Variants in REEP1 observed in about 807,000 individuals in gnomAD.
The protein encoded by REEP1 is receptor expression-enhancing protein 1.
REEP1 carries 22 observed loss-of-function variants against 40.3 expected under a neutral mutation model. The ratio of observed to expected loss-of-function variants is 0.55; its 90% CI spans 0.39 to 0.78. The LOEUF (loss-of-function observed/expected upper bound fraction) is 0.78. REEP1 is among the 30% of genes least tolerant of loss of function. The pLI is 0.00. For missense variants in REEP1, 280 were observed against 361.1 expected (o/e 0.78, Z 1.82); for synonymous variants, 116 against 139.2 (o/e 0.83, Z 1.17).
At chr2:86,217,816 A>G (rs1674207534) in intron 8 of REEP1, among the ~76,000 whole-genome samples, 1 of 152,116 alleles carries the variant, frequency 6.6e-6, no homozygotes, top group Admixed American at 6.5e-5. Context: ...TTTTTCGATT[A>G]GGGATGCTCA....
intron 2 of REEP1, among the ~76,000 whole-genome samples, chr2:86,278,010 GA>G (rs1677860840): frequency 6.6e-6 from 1 of 152,108 alleles, no homozygotes; most frequent in South Asian, 2.1e-4. Flanking sequence ...CAACATTTCT[GA>G]TTGCCTACAT....
rs1051135623 is a variant in REEP1 at position 86,337,293 on chromosome 2, C to G, written c.32+186G>C. ...CCGGCGCCGGCTGCCTCCTGGGCAG[C>G]AGCCGCGTCCTGCGCCGCCCGTCCG... On this transcript the variant is annotated intron_variant, in intron 1 of 8. Coordinates refer to ENST00000538924, the MANE Select transcript of REEP1 (RefSeq NM_001371279.1). The surrounding 1 kb of genome is among the most constrained non-coding windows in gnomAD (Gnocchi z 5.8). 17 of 321,082 alleles carry G rather than the reference C, an allele frequency of 5.3e-5. No individual in the cohort carries two copies. The highest frequency in any genetic ancestry group is 2.9e-4 in the South Asian group (2 of 6,790). 19.9% of individuals were successfully genotyped at this position (321,082 alleles called of 1,614,324 possible). A position where few individuals can be genotyped will look rare whatever the true frequency, so the allele number is the denominator to read the frequency against.
At chr2:86,220,362 T>G (rs1674350385) in intron 7 of REEP1, among the ~76,000 whole-genome samples, 1 of 152,104 alleles carries the variant, frequency 6.6e-6, no homozygotes, top group African/African-American at 2.4e-5. Context: ...AACCACAGAC[T>G]CAGAATCTAC....
chr2:86,254,610 T>C, intron 4 of REEP1, 84 bp downstream of exon 4: 1 of 1,458,018 alleles, frequency 6.9e-7, no homozygotes, highest in Non-Finnish European at 9.5e-7. Context: ...ATGAGAAGTC[T>C]CCTGCAATAA....
chr2:86,225,922 G>A (rs866277357), intron 7 of REEP1, among the ~76,000 whole-genome samples: 20 of 152,316 alleles, frequency 1.3e-4, no homozygotes, highest in Middle Eastern at 3.4e-3. Context: ...TCTACTTAAG[G>A]TTAGGCAACT....
intron 7 of REEP1, among the ~76,000 whole-genome samples, chr2:86,222,236 T>C (rs1674468496): frequency 6.6e-6 from 1 of 152,180 alleles, no homozygotes; most frequent in African/African-American, 2.4e-5. Context: ...CTGCAAGGAT[T>C]GCAGGGTAGA....
At chr2:86,280,036 A>T (rs1324281629) in intron 2 of REEP1, 1 of 456,340 alleles carries the variant, frequency 2.2e-6, no homozygotes, top group Non-Finnish European at 4.4e-6. Flanking sequence ...TTGGAAGATT[A>T]TTCAGGCGAC....
chr2:86,238,673 T>C (rs1365435124), intron 5 of REEP1, among the ~76,000 whole-genome samples: 6 of 152,032 alleles, frequency 3.9e-5, no homozygotes, highest in Non-Finnish European at 8.8e-5. Flanking sequence ...AAGGAGCGTA[T>C]AAGAAGTGTC....
rs1490802868 is a variant in REEP1 at position 86,330,438 on chromosome 2, T to TGTGC, written c.32+7040_32+7041insGCAC. On this transcript the variant is annotated intron_variant, in intron 1 of 8. Transcript: ENST00000538924. Reference sequence around the variant, plus strand: ...TGGTGTGTGTGTGTGTGTGTGTGTGTGTGTGTGTGTGTGTGTGTGTGTGTT... The same window carrying TGTGC: ...TGGTGTGTGTGTGTGTGTGTGTGTGTGTGCGTGTGTGTGTGTGTGTGTGTGTGTT... Among the ~76,000 whole-genome samples, 696 of 150,812 alleles carry TGTGC rather than the reference T, an allele frequency of 4.6e-3. 6 individuals carry two copies. Among genetic ancestry groups the TGTGC allele is most frequent in the Non-Finnish European group, 6.4e-3 (433 of 67,560 alleles).
In REEP1 at chr2:86,214,502, T is replaced by G. The variant is rs1191751326; in HGVS notation, c.*2537A>C. ...GTTATGACATGAACATTACAGACTTTCCAGCTAGCATTTTGTAAACAGCCT... is the reference window on the plus strand; with the variant it reads ...GTTATGACATGAACATTACAGACTTGCCAGCTAGCATTTTGTAAACAGCCT... On this transcript the variant is annotated 3_prime_UTR_variant, in exon 9 of 9. Coordinates refer to ENST00000538924, the MANE Select transcript of REEP1 (RefSeq NM_001371279.1). 6.5e-6 allele frequency: 1 copy of G among 152,672 alleles called. No individual in the cohort carries two copies. Among genetic ancestry groups the G allele is most frequent in the African/African-American group, 2.4e-5 (1 of 41,458 alleles). 9.5% of individuals were successfully genotyped at this position (152,672 alleles called of 1,614,324 possible).
chr2:86,306,236 T>C (rs1679474144), intron 1 of REEP1, among the ~76,000 whole-genome samples: 1 of 152,158 alleles, frequency 6.6e-6, no homozygotes, highest in African/African-American at 2.4e-5. Context: ...ACATAAATTC[T>C]AACCCAGTCT....
chr2:86,250,096 G>A (rs574345770), intron 5 of REEP1, among the ~76,000 whole-genome samples: 1 of 152,328 alleles, frequency 6.6e-6, no homozygotes, highest in African/African-American at 2.4e-5. Context: ...GGCTTCCCGG[G>A]TGGTTAGGGG....
chr2:86,228,664 G>T lies in REEP1; in HGVS notation c.596-1266C>A, dbSNP rs141489788. 1.0e-2 allele frequency among the ~76,000 whole-genome samples: 1,519 copies of T among 152,132 alleles called. 19 individuals are homozygous for T. Among genetic ancestry groups the T allele is most frequent in the Admixed American group, 0.014 (217 of 15,288 alleles). ...GTAGAGACAGGGTTTCTCTGTGTTG[G>T]TCAGGCTGGTCTCAAACTCTCTACC... On this transcript the variant is annotated intron_variant, in intron 6 of 8. Coordinates refer to ENST00000538924, the MANE Select transcript of REEP1 (RefSeq NM_001371279.1).
intron 2 of REEP1, among the ~76,000 whole-genome samples, chr2:86,279,583 T>G (rs531188444): frequency 2.6e-5 from 4 of 152,304 alleles, no homozygotes; most frequent in African/African-American, 7.2e-5. Context: ...GGGAAGAGTA[T>G]CCTGGATGAC....
intron 5 of REEP1, among the ~76,000 whole-genome samples, chr2:86,235,998 C>T (rs1411959393): frequency 6.6e-6 from 1 of 152,058 alleles, no homozygotes; most frequent in Admixed American, 6.6e-5. Flanking sequence ...AGGTGGATCA[C>T]TTGAGGTCAG....
chr2:86,307,263 G>A (rs1297303205), intron 1 of REEP1, among the ~76,000 whole-genome samples: 1 of 149,324 alleles, frequency 6.7e-6, no homozygotes, highest in African/African-American at 2.4e-5. Flanking sequence ...TCTAGCATAA[G>A]GAAAAGACCC....
At chr2:86,237,681 C>G (rs554286514) in intron 5 of REEP1, among the ~76,000 whole-genome samples, 16 of 152,138 alleles carry the variant, frequency 1.1e-4, no homozygotes, top group African/African-American at 3.9e-4. Flanking sequence ...CACCACCACG[C>G]CCGGCTAATT....
intron 6 of REEP1, among the ~76,000 whole-genome samples, chr2:86,229,443 T>G (rs1231029761): frequency 6.6e-6 from 1 of 152,068 alleles, no homozygotes; most frequent in Non-Finnish European, 1.5e-5. Context: ...GGGGCTGAGC[T>G]GGGGAGAGTA....
intron 1 of REEP1, among the ~76,000 whole-genome samples, chr2:86,309,961 T>C (rs1324438763): frequency 4.6e-5 from 7 of 152,066 alleles, no homozygotes; most frequent in Non-Finnish European, 8.8e-5. Flanking sequence ...CAACCAGCCA[T>C]AGCCAAGTGG....
Sources: allele counts gnomAD v4.1 joint callset (sites outside exome capture counted in the v4.1 genomes callset), GRCh38; gene constraint gnomAD v4.1.1; non-coding constraint Gnocchi (gnomAD v3.1); transcripts MANE v1.5; gene names NCBI Gene and HGNC (gene_info 2026-07-23, HGNC 2026-07-21).